The following CDK17 variants were observed in gnomAD, a reference collection of about 807,000 sequenced individuals.
CDK17 encodes cyclin dependent kinase 17.
CDK17 carries 24 observed loss-of-function variants against 77.6 expected under a neutral mutation model. The ratio of observed to expected loss-of-function variants is 0.31; its 90% CI spans 0.22 to 0.44. The LOEUF (loss-of-function observed/expected upper bound fraction) is 0.44, where lower values mean the gene tolerates loss of function less well. Ranked by LOEUF, CDK17 falls within the 20% of genes least tolerant of loss-of-function variation. The probability of loss-of-function intolerance (pLI) is 1.00; values close to 1 mark genes in which losing one functional copy is unlikely to be tolerated. For synonymous variants in CDK17, 203 were observed against 210.4 expected (o/e 0.96, Z 0.30); for missense variants, 429 against 622.5 (o/e 0.69, Z 3.31).
At chr12:96,342,984 G>C (rs565920289) in intron 1 of CDK17, among the ~76,000 whole-genome samples, 1 of 152,086 alleles carries the variant, frequency 6.6e-6, no homozygotes, top group Non-Finnish European at 1.5e-5. Flanking sequence ...ATTAATCCTT[G>C]ATGTGTTCAA....
chr12:96,376,645 T>C (rs1051666673), intron 1 of CDK17, among the ~76,000 whole-genome samples: 5 of 152,190 alleles, frequency 3.3e-5, no homozygotes, highest in Non-Finnish European at 5.9e-5. Flanking sequence ...AGATAAATCA[T>C]CACCCTATAT....
chr12:96,323,494 C>G (rs1453276176), intron 3 of CDK17, among the ~76,000 whole-genome samples: 1 of 151,838 alleles, frequency 6.6e-6, no homozygotes, highest in Non-Finnish European at 1.5e-5. Flanking sequence ...AAACATAAGG[C>G]ATCATCAAAA....
At chr12:96,308,623 G>A (rs1201758344) in intron 5 of CDK17, among the ~76,000 whole-genome samples, 1 of 150,402 alleles carries the variant, frequency 6.6e-6, no homozygotes, top group Non-Finnish European at 1.5e-5. Flanking sequence ...CAGCTACTCG[G>A]GAGGCTGAGG....
At position 96,400,412 on chromosome 12, in the gene CDK17, T is replaced by G. The variant is rs1270420950; in HGVS notation, c.-456A>C. 2.6e-6 allele frequency: 1 copy of G among 383,064 alleles called. No individual in the cohort carries two copies. Among genetic ancestry groups the G allele is most frequent in the Non-Finnish European group, 4.6e-6 (1 of 216,540 alleles). 23.7% of individuals were successfully genotyped at this position (383,064 alleles called of 1,614,324 possible). ...GCCGCGTTCGCTCCTTGCGTGTGCG[T>G]CGCTTTCACACTCGGCGGCTGCGGA... On this transcript the variant is annotated 5_prime_UTR_variant, in exon 1 of 17. Transcript: ENST00000261211.
Position 96,286,099 on chromosome 12 carries a change from G to C in CDK17, c.1266C>G (p.Phe422Leu). The part of the protein sequence containing the change: ...TWPGISSNEE[F>L]KNYNFPKYKP... ...TATATTTTGGAAAGTTGTAGTTCTT[G>C]AACTCCTCATTTGAAGAAATACCTG... Residue 422 changes from phenylalanine (F) to leucine (L), a missense_variant, in exon 13 of 17, where the codon TTC becomes TTG. Physicochemically the swap from Phe to Leu is conservative, Grantham distance 22. Around this residue, in one of 4 missense-constraint regions of CDK17, gnomAD observed 115 missense variants for 124.2 expected, o/e 0.93. Transcript: ENST00000261211. 6.6e-7 allele frequency: 1 copy of C among 1,515,838 alleles called. No individual in the cohort carries two copies. The highest frequency in any genetic ancestry group is 8.9e-7 in the Non-Finnish European group (1 of 1,127,330). The allele number at this position is 1,515,838 out of a possible 1,614,324, so 93.9% of individuals were successfully genotyped here. A position where few individuals can be genotyped will look rare whatever the true frequency, so the allele number is the denominator to read the frequency against.
intron 4 of CDK17, among the ~76,000 whole-genome samples, chr12:96,312,484 A>T (rs1162802882): frequency 6.6e-6 from 1 of 152,144 alleles, no homozygotes; most frequent in East Asian, 1.9e-4. Context: ...ACATAAATAT[A>T]TCGTTGATTT....
At chr12:96,320,620 A>G (rs1952803092) in intron 3 of CDK17, among the ~76,000 whole-genome samples, 1 of 151,776 alleles carries the variant, frequency 6.6e-6, no homozygotes, top group African/African-American at 2.4e-5. Flanking sequence ...ATATAGATCA[A>G]TGGAACAGAA....
chr12:96,400,306 G>A lies in CDK17; in HGVS notation c.-350C>T, dbSNP rs1467127291. Reference sequence around the variant, plus strand: ...GCGAGCGCGGCGGGCGCCGACGGCGGGCTGAGACTGTCTGGCCGGGCGCTG... The same window carrying A: ...GCGAGCGCGGCGGGCGCCGACGGCGAGCTGAGACTGTCTGGCCGGGCGCTG... On this transcript the variant is annotated 5_prime_UTR_variant, in exon 1 of 17. Coordinates refer to ENST00000261211, the MANE Select transcript of CDK17 (RefSeq NM_002595.5). 5.1e-6 allele frequency: 2 copies of A among 389,512 alleles called. No individual in the cohort carries two copies. The highest frequency in any genetic ancestry group is 9.1e-6 in the Non-Finnish European group (2 of 220,228). The allele number at this position is 389,512 out of a possible 1,614,324, so 24.1% of individuals were successfully genotyped here.
At chr12:96,320,170 A>G (rs1279255397) in intron 3 of CDK17, among the ~76,000 whole-genome samples, 2 of 151,880 alleles carry the variant, frequency 1.3e-5, no homozygotes, top group African/African-American at 2.4e-5. Flanking sequence ...ACAACAGACA[A>G]ACAGAGAGCC....
At chr12:96,322,081 G>A (rs1328315019) in intron 3 of CDK17, among the ~76,000 whole-genome samples, 2 of 152,094 alleles carry the variant, frequency 1.3e-5, no homozygotes, top group African/African-American at 2.4e-5. Flanking sequence ...ACCCAAACAA[G>A]AAATTACTCA....
At chr12:96,341,344 C>CACACACACACACGT (rs149595808) in intron 1 of CDK17, among the ~76,000 whole-genome samples, 25 of 149,806 alleles carry the variant, frequency 1.7e-4, no homozygotes, top group African/African-American at 5.2e-4. Context: ...CACACACACA[C>CACACACACACACGT]GTCTCATATA....
intron 1 of CDK17, among the ~76,000 whole-genome samples, chr12:96,360,094 G>C (rs1172268845): frequency 6.6e-6 from 1 of 152,226 alleles, no homozygotes; most frequent in Non-Finnish European, 1.5e-5. Flanking sequence ...GGATCTGGAA[G>C]TGGGATTTAT....
In CDK17 at chr12:96,305,356, T is replaced by C. The variant is rs1378269623; in HGVS notation, c.544-4996A>G. Among the ~76,000 whole-genome samples the C allele has an allele frequency of 2.0e-5, 3 of 152,352 alleles. No homozygotes were observed. In the East Asian group the frequency reaches 5.8e-4, roughly 29 times the overall value. ...AAGTATGGAGTTTTGTTACTAGTAA[T>C]GTACCAATGTTGGTTCCTTAGTTGT... On this transcript the variant is annotated intron_variant, in intron 5 of 16. Transcript: ENST00000261211.
chr12:96,334,997 C>T, intron 1 of CDK17, 132 bp from the exon 2 acceptor site: 1 of 684,644 alleles, frequency 1.5e-6, no homozygotes, highest in Non-Finnish European at 2.7e-6. Context: ...CAAACATCAC[C>T]AAATCCAACC....
intron 4 of CDK17, among the ~76,000 whole-genome samples, chr12:96,312,430 A>G (rs1952656273): frequency 6.6e-6 from 1 of 152,220 alleles, no homozygotes. Context: ...AAAATCATCT[A>G]TAAGGTGAAG....
chr12:96,385,250 G>A (rs1318894111), intron 1 of CDK17, among the ~76,000 whole-genome samples: 6 of 150,114 alleles, frequency 4.0e-5, no homozygotes, highest in African/African-American at 1.5e-4. Context: ...AGGCGGAGAG[G>A]TTGCAGTGGG....
chr12:96,392,165 G>C (rs918352191), intron 1 of CDK17, among the ~76,000 whole-genome samples: 2 of 152,148 alleles, frequency 1.3e-5, no homozygotes, highest in Non-Finnish European at 2.9e-5. Context: ...ATACTATATA[G>C]CAGAACCACC....
chr12:96,359,087 A>C (rs1427489761), intron 1 of CDK17, among the ~76,000 whole-genome samples: 2 of 151,398 alleles, frequency 1.3e-5, no homozygotes, highest in Non-Finnish European at 2.9e-5. Flanking sequence ...GTATCACTCC[A>C]TTCTTGGCTT....
At chr12:96,376,337 C>T (rs1026003021) in intron 1 of CDK17, among the ~76,000 whole-genome samples, 1 of 152,166 alleles carries the variant, frequency 6.6e-6, no homozygotes, top group African/African-American at 2.4e-5. Context: ...TATCATGATC[C>T]TCACCTAATT....
Sources: allele counts gnomAD v4.1 joint callset (sites outside exome capture counted in the v4.1 genomes callset), GRCh38; gene constraint gnomAD v4.1.1; regional missense constraint gnomAD v4.1.1; transcripts MANE v1.5; gene names NCBI Gene and HGNC (gene_info 2026-07-23, HGNC 2026-07-21).